PTPRO: variants seen among roughly 807,000 people sequenced by gnomAD.
The protein encoded by PTPRO is protein tyrosine phosphatase receptor type O, also known as receptor-type tyrosine-protein phosphatase O.
PTPRO carries 62 observed loss-of-function variants against 145.2 expected under a neutral mutation model. That is an observed-to-expected ratio of 0.43 (90% confidence interval 0.35 to 0.53). The LOEUF is 0.53. PTPRO is among the 20% of genes least tolerant of loss of function. PTPRO has a pLI of 0.01. For missense variants in PTPRO, 1,345 were observed against 1,482.7 expected, an observed-to-expected ratio of 0.91 and a Z score of 1.53; for synonymous variants, 565 against 514.7, an observed-to-expected ratio of 1.10 and a Z score of -1.32.
Position 15,504,007 on chromosome 12 carries a change from G to A in PTPRO, c.1205G>A (p.Ser402Asn). 6.2e-7 allele frequency: 1 copy of A among 1,612,288 alleles called. No individual in the cohort carries two copies. Among genetic ancestry groups the A allele is most frequent in the Non-Finnish European group, 8.5e-7 (1 of 1,178,500 alleles). ...TATAAGTTATCTGTGACAACCTTTA[G>A]TTCCTCAGGATCTTGTGAAACTCGA... ...GKYKLSVTTF[S>N]SSGSCETRKS... The change falls in exon 6 of 27, where the codon AGT (serine) becomes AAT (asparagine). Residue 402 changes from serine (S) to asparagine (N), a missense_variant. Coordinates refer to ENST00000281171, the MANE Select transcript of PTPRO (RefSeq NM_030667.3).
At chr12:15,526,003 C>A in intron 11 of PTPRO, 139 bp from the exon 12 acceptor site, 1 of 1,119,760 alleles carries the variant, frequency 8.9e-7, no homozygotes, top group Non-Finnish European at 1.3e-6. Context: ...GAAGATATAA[C>A]GTATCTATAA....
intron 15 of PTPRO, among the ~76,000 whole-genome samples, chr12:15,553,791 G>A (rs1317000848): frequency 6.6e-6 from 1 of 152,194 alleles, no homozygotes; most frequent in Non-Finnish European, 1.5e-5. Context: ...CAGGAATCCA[G>A]GCAAGAGATG....
chr12:15,458,202 G>C (rs1941222984), intron 1 of PTPRO, among the ~76,000 whole-genome samples: 1 of 152,020 alleles, frequency 6.6e-6, no homozygotes, highest in African/African-American at 2.4e-5. Flanking sequence ...GACATGCAAG[G>C]TTTCTGCTGA....
rs186359601 is a variant in PTPRO at position 15,506,827 on chromosome 12, T to C, written c.1268-1744T>C. Among the ~76,000 whole-genome samples, 25 of 152,256 alleles carry C rather than the reference T, an allele frequency of 1.6e-4. No individual in the cohort carries two copies. In the East Asian group the frequency reaches 3.9e-3, roughly 23 times the overall value. ...CTAAAGTTCTCTTCAATTCTAAAATTCCATGATTTATCCATTTCACAGATG... is the reference window on the plus strand; with the variant it reads ...CTAAAGTTCTCTTCAATTCTAAAATCCCATGATTTATCCATTTCACAGATG... On this transcript the variant is annotated intron_variant, in intron 6 of 26. Transcript: ENST00000281171.
At chr12:15,551,838 T>C (rs770531653) in intron 15 of PTPRO, among the ~76,000 whole-genome samples, 167 bp downstream of exon 15, 2 of 152,252 alleles carry the variant, frequency 1.3e-5, no homozygotes, top group Non-Finnish European at 2.9e-5. Context: ...AAACATTATA[T>C]TGGAAAATAT....
intron 1 of PTPRO, among the ~76,000 whole-genome samples, chr12:15,459,884 G>T (rs1389432000): frequency 6.6e-6 from 1 of 152,128 alleles, no homozygotes; most frequent in Non-Finnish European, 1.5e-5. Flanking sequence ...TTGAACTCAG[G>T]TACCCAAAGC....
intron 15 of PTPRO, among the ~76,000 whole-genome samples, chr12:15,553,575 GT>G (rs1343233725): frequency 6.6e-6 from 1 of 152,184 alleles, no homozygotes; most frequent in African/African-American, 2.4e-5. Flanking sequence ...GAAGACAAGA[GT>G]AGAAGGAGAT....
intron 17 of PTPRO, among the ~76,000 whole-genome samples, chr12:15,561,500 T>C (rs183634576): frequency 1.4e-4 from 21 of 152,216 alleles, no homozygotes; most frequent in African/African-American, 5.1e-4. Context: ...AAAGTAGACA[T>C]GATGTGTAGG....
At chr12:15,394,933 C>G (rs1342407972) in intron 1 of PTPRO, among the ~76,000 whole-genome samples, 2 of 152,104 alleles carry the variant, frequency 1.3e-5, no homozygotes, top group Non-Finnish European at 2.9e-5. Context: ...TCCCACCTAA[C>G]AGAACAGATG....
intron 1 of PTPRO, among the ~76,000 whole-genome samples, chr12:15,383,523 A>T (rs1292861985): frequency 1.3e-5 from 2 of 152,218 alleles, no homozygotes; most frequent in South Asian, 4.1e-4. Context: ...GGTTGATTCT[A>T]AGCCAAATAT....
rs545699545 is a variant in PTPRO at position 15,437,591 on chromosome 12, T to C, written c.76-46383T>C. Among the ~76,000 whole-genome samples, 9 of 152,160 alleles carry C rather than the reference T, an allele frequency of 5.9e-5. No individual in the cohort carries two copies. In the South Asian group the frequency reaches 1.7e-3, roughly 28 times the overall value. ...ATGCTCAGGCAAATCTCCAGGCATT[T>C]AGAATACCTGCTTGCCTGGTGTGGC... On this transcript the variant is annotated intron_variant, in intron 1 of 26. Coordinates refer to ENST00000281171, the MANE Select transcript of PTPRO (RefSeq NM_030667.3).
intron 1 of PTPRO, chr12:15,410,462 ATCT>A (rs1205163618): frequency 6.6e-6 from 1 of 152,204 alleles, no homozygotes; most frequent in Non-Finnish European, 1.5e-5. Context: ...TGGGACATCT[ATCT>A]TCTTCTGCCT....
chr12:15,412,868 A>G (rs55633661), intron 1 of PTPRO, among the ~76,000 whole-genome samples: 20,745 of 152,134 alleles, frequency 0.14, 2,361 homozygotes, highest in African/African-American at 0.31. Context: ...ATCTCGTCTC[A>G]CTACAAACTT....
intron 1 of PTPRO, among the ~76,000 whole-genome samples, chr12:15,469,087 A>G (rs1941480710): frequency 6.6e-6 from 1 of 152,202 alleles, no homozygotes; most frequent in Non-Finnish European, 1.5e-5. Flanking sequence ...GATTTAATTA[A>G]CTGGTGTCAC....
chr12:15,328,822 A>G (rs183222769), intron 1 of PTPRO, among the ~76,000 whole-genome samples: 37 of 152,284 alleles, frequency 2.4e-4, no homozygotes, highest in Non-Finnish European at 3.8e-4. Context: ...TAACAAAACT[A>G]TTTCTATCTT....
intron 1 of PTPRO, among the ~76,000 whole-genome samples, chr12:15,325,483 T>C (rs1866419741): frequency 6.6e-6 from 1 of 152,236 alleles, no homozygotes; most frequent in African/African-American, 2.4e-5. Context: ...GCATAATTTA[T>C]CTTGCCTAAA....
At chr12:15,340,414 T>C (rs961217167) in intron 1 of PTPRO, among the ~76,000 whole-genome samples, 5 of 152,148 alleles carry the variant, frequency 3.3e-5, no homozygotes, top group African/African-American at 1.2e-4. Flanking sequence ...TGGACAGAAA[T>C]GGGGTAGGGA....
At position 15,438,970 on chromosome 12, in the gene PTPRO, TTTTCCTTAGGCAAAGATCTTAAGATC is replaced by T. The variant is rs200446823; in HGVS notation, c.76-44993_76-44968del. Among the ~76,000 whole-genome samples, 871 of 152,052 alleles carry T rather than the reference TTTTCCTTAGGCAAAGATCTTAAGATC, an allele frequency of 5.7e-3. 44 individuals carry two copies. In the East Asian group the frequency reaches 0.14, roughly 24 times the overall value. On this transcript the variant is annotated intron_variant, in intron 1 of 26. Transcript: ENST00000281171. ...AAAAAATCTTAAAGACTGCTAGAGG[TTTTCCTTAGGCAAAGATCTTAAGATC>T]TTTCCTTAGGTAAAGATCTTAAAGA...
intron 1 of PTPRO, among the ~76,000 whole-genome samples, chr12:15,421,111 G>A (rs1031281101): frequency 1.3e-5 from 2 of 152,076 alleles, no homozygotes; most frequent in African/African-American, 4.8e-5. Flanking sequence ...GTATTTTAAA[G>A]CAAATTCCAG....
Sources: gnomAD v4.1 joint callset for allele counts (sites outside exome capture counted in the v4.1 genomes callset) on GRCh38, gnomAD v4.1.1 for gene constraint, MANE v1.5 for transcripts, NCBI Gene and HGNC (gene_info 2026-07-23, HGNC 2026-07-21) for gene names.